FOXP2: variants seen among roughly 807,000 people sequenced by gnomAD.
FOXP2 encodes the protein forkhead box P2, also known as forkhead box protein P2.
A neutral mutation model predicts 115.8 loss-of-function variants in FOXP2; 12 were observed. The observed-to-expected ratio is 0.10, with a 90% CI of 0.07 to 0.17. The LOEUF (loss-of-function observed/expected upper bound fraction) is 0.17. Among genes scored for constraint, FOXP2 ranks in the 10% least tolerant of loss-of-function variants. FOXP2 has a pLI of 1.00. For missense variants in FOXP2, 629 were observed against 843.5 expected (o/e 0.75, Z 3.15); for synonymous variants, 328 against 297.7 (o/e 1.10, Z -1.05).
intron 3 of FOXP2, among the ~76,000 whole-genome samples, chr7:114,551,900 A>G (rs1461071181): frequency 6.6e-6 from 1 of 152,190 alleles, no homozygotes; most frequent in Non-Finnish European, 1.5e-5. Context: ...ACGTTTTATG[A>G]CAAATATTTA....
At chr7:114,257,017 A>T (rs754491382) in intron 1 of FOXP2, among the ~76,000 whole-genome samples, 3 of 152,210 alleles carry the variant, frequency 2.0e-5, no homozygotes, top group Non-Finnish European at 2.9e-5. Context: ...TCAAAGCTGA[A>T]GGCATCATGC....
intron 2 of FOXP2, 55 bp from the exon 3 acceptor site, chr7:114,534,562 T>A: frequency 7.1e-7 from 1 of 1,405,698 alleles, no homozygotes; most frequent in Non-Finnish European, 1.0e-6. Context: ...CAAGAGATAA[T>A]TGATAACTTA....
chr7:114,193,015 A>G (rs1793804041), intron 1 of FOXP2, among the ~76,000 whole-genome samples: 1 of 152,152 alleles, frequency 6.6e-6, no homozygotes, highest in African/African-American at 2.4e-5. Context: ...TTCAGTCTCT[A>G]TGCCTTAGAC....
At chr7:114,597,140 A>G (rs1311760363) in intron 3 of FOXP2, among the ~76,000 whole-genome samples, 2 of 152,070 alleles carry the variant, frequency 1.3e-5, no homozygotes, top group Non-Finnish European at 2.9e-5. Flanking sequence ...TAAGATGACA[A>G]TCTGTGTGCA....
intron 2 of FOXP2, among the ~76,000 whole-genome samples, chr7:114,299,230 A>G (rs1796820886): frequency 6.6e-6 from 1 of 152,128 alleles, no homozygotes; most frequent in South Asian, 2.1e-4. Context: ...ACCCCAAGCA[A>G]TAGGTATATA....
intron 1 of FOXP2, among the ~76,000 whole-genome samples, chr7:114,178,550 C>A (rs771209560): frequency 6.6e-6 from 1 of 151,776 alleles, no homozygotes; most frequent in Non-Finnish European, 1.5e-5. Context: ...ATTTCATGTG[C>A]TTGTATTTTA....
intron 3 of FOXP2, among the ~76,000 whole-genome samples, chr7:114,576,547 G>A (rs946054710): frequency 6.6e-6 from 1 of 151,954 alleles, no homozygotes; most frequent in Admixed American, 6.6e-5. Flanking sequence ...GAAATTGGGG[G>A]CTGATGAAAG....
intron 2 of FOXP2, among the ~76,000 whole-genome samples, chr7:114,312,384 C>A (rs1297969856): frequency 6.6e-6 from 1 of 152,124 alleles, no homozygotes; most frequent in Non-Finnish European, 1.5e-5. Flanking sequence ...TCTTAACTCC[C>A]ATTCATTAGT....
intron 1 of FOXP2, among the ~76,000 whole-genome samples, chr7:114,123,932 C>T (rs953911801): frequency 6.6e-6 from 1 of 151,972 alleles, no homozygotes; most frequent in African/African-American, 2.4e-5. Context: ...TATTAAAAAA[C>T]TTTTGACAAC....
chr7:114,684,901 A>G (rs996342627), intron 16 of FOXP2, among the ~76,000 whole-genome samples: 1 of 152,202 alleles, frequency 6.6e-6, no homozygotes, highest in Admixed American at 6.5e-5. Context: ...AAACTGTAAT[A>G]TACTAGTTGG....
chr7:114,520,401 G>A (rs1798558470), intron 2 of FOXP2, among the ~76,000 whole-genome samples: 1 of 151,856 alleles, frequency 6.6e-6, no homozygotes, highest in Admixed American at 6.6e-5. Flanking sequence ...GTAACATAAT[G>A]AAAAAACAAA....
intron 2 of FOXP2, among the ~76,000 whole-genome samples, chr7:114,311,956 G>A (rs1303019957): frequency 1.3e-5 from 2 of 151,988 alleles, no homozygotes; most frequent in Non-Finnish European, 2.9e-5. Context: ...CCTGACACTT[G>A]TGCACCCAGT....
intron 2 of FOXP2, among the ~76,000 whole-genome samples, chr7:114,442,769 G>A (rs910398058): frequency 6.6e-6 from 1 of 152,102 alleles, no homozygotes; most frequent in African/African-American, 2.4e-5. Context: ...GCCAAAGCGG[G>A]TGAATTTTAT....
intron 1 of FOXP2, among the ~76,000 whole-genome samples, chr7:114,100,326 GAA>G (rs1446297092): frequency 6.6e-6 from 1 of 152,030 alleles, no homozygotes; most frequent in Non-Finnish European, 1.5e-5. Flanking sequence ...CATATTTGCT[GAA>G]GTTTTCCTTT....
chr7:114,544,569 G>C (rs1799827525), intron 3 of FOXP2, among the ~76,000 whole-genome samples: 1 of 152,146 alleles, frequency 6.6e-6, no homozygotes, highest in Non-Finnish European at 1.5e-5. Flanking sequence ...CTGCCACCTT[G>C]ACATCTTCTA....
Position 114,154,679 on chromosome 7 carries a change from T to A in FOXP2, c.-246-8265T>A, listed in dbSNP as rs375422046. On this transcript the variant is annotated intron_variant, in intron 1 of 19. Transcript: ENST00000635638. The stretch of plus-strand genomic sequence containing the variant: ...GTTCTACTTTTGATTAAATATATTA[T>A]TTAATGGAAATTAGTATTTCAAAAT... Among the ~76,000 whole-genome samples, 125 of 152,250 alleles carry A rather than the reference T, an allele frequency of 8.2e-4. 1 individual carries two copies. In the South Asian group the frequency reaches 0.024, roughly 30 times the overall value.
At chr7:114,540,023 A>G (rs1456809797) in intron 3 of FOXP2, among the ~76,000 whole-genome samples, 2 of 152,070 alleles carry the variant, frequency 1.3e-5, no homozygotes, top group African/African-American at 2.4e-5. Context: ...TACTTACCGT[A>G]AATCCTTGGA....
chr7:114,218,307 A>G (rs1794533383), intron 1 of FOXP2, among the ~76,000 whole-genome samples: 1 of 152,156 alleles, frequency 6.6e-6, no homozygotes, highest in Non-Finnish European at 1.5e-5. Flanking sequence ...CTCTGCCCAC[A>G]CGTTCTCAAA....
Position 114,691,953 on chromosome 7 carries a change from A to C in FOXP2, c.*2027A>C. On this transcript the variant is annotated 3_prime_UTR_variant, in exon 17 of 17. Coordinates refer to ENST00000350908, the MANE Select transcript of FOXP2 (RefSeq NM_014491.4). ...GCAAAAAAAAAAAAAGAAAAAAAAA[A>C]AAAGAAAAACATTAGAACAATTATG... The C allele has an allele frequency of 2.4e-6, 1 of 419,438 alleles. No individual in the cohort carries two copies. The highest frequency in any genetic ancestry group is 4.6e-6 in the Non-Finnish European group (1 of 218,362). 26.0% of individuals were successfully genotyped at this position (419,438 alleles called of 1,614,324 possible).
Sources: allele counts gnomAD v4.1 joint callset (sites outside exome capture counted in the v4.1 genomes callset), GRCh38; gene constraint gnomAD v4.1.1; transcripts MANE v1.5; gene names NCBI Gene and HGNC (gene_info 2026-07-23, HGNC 2026-07-21).